The following GABRB1 variants were observed in gnomAD, a reference collection of about 807,000 sequenced individuals.
GABRB1 encodes the protein gamma-aminobutyric acid type A receptor subunit beta1.
In GABRB1, 17 loss-of-function variants were observed where a neutral mutation model predicts 51.6. The observed-to-expected ratio is 0.33, with a 90% CI of 0.23 to 0.49. The LOEUF is 0.49. Among genes scored for constraint, GABRB1 ranks in the 20% least tolerant of loss-of-function variants. GABRB1 has a pLI of 0.99. For missense variants in GABRB1, 410 were observed against 600.6 expected, an observed-to-expected ratio of 0.68 and a Z score of 3.32; for synonymous variants, 247 against 218.9, an observed-to-expected ratio of 1.13 and a Z score of -1.14.
chr4:47,008,837 C>T (rs1385115101), intron 1 of GABRB1, among the ~76,000 whole-genome samples: 8 of 97,514 alleles, frequency 8.2e-5, no homozygotes, highest in Non-Finnish European at 1.3e-4. Context: ...CACCCTGTCA[C>T]GCTATCAGAT....
intron 4 of GABRB1, among the ~76,000 whole-genome samples, chr4:47,250,905 T>G (rs1426711675): frequency 6.6e-6 from 1 of 152,242 alleles, no homozygotes; most frequent in African/African-American, 2.4e-5. Flanking sequence ...CTCTGGTGCC[T>G]CCCTAATTAG....
rs772776189 is a variant in GABRB1, at chr4:47,032,380, G to C, written c.173-37G>C. Reference sequence around the variant, plus strand: ...ACCCTCCCCAGCCTGCTGTCACTGAGAGAATCTGTTCCTAATGTGGCCCAC... The same window carrying C: ...ACCCTCCCCAGCCTGCTGTCACTGACAGAATCTGTTCCTAATGTGGCCCAC... On this transcript the variant is annotated intron_variant, in intron 2 of 8. Coordinates refer to ENST00000295454, the MANE Select transcript of GABRB1 (RefSeq NM_000812.4). 8.4e-6 allele frequency: 13 copies of C among 1,544,486 alleles called. No individual in the cohort carries two copies. The South Asian group carries it at 1.1e-4, about 13-fold the overall frequency.
chr4:47,310,337 T>C (rs556382238), intron 4 of GABRB1, among the ~76,000 whole-genome samples: 3 of 152,326 alleles, frequency 2.0e-5, no homozygotes, highest in Admixed American at 2.0e-4. Context: ...AGCATGAATA[T>C]GTAGCTGGAT....
chr4:47,202,095 T>A (rs1222063183), intron 4 of GABRB1, among the ~76,000 whole-genome samples: 1 of 152,148 alleles, frequency 6.6e-6, no homozygotes, highest in Non-Finnish European at 1.5e-5. Flanking sequence ...ATAATCCCTA[T>A]AATTTCCATA....
chr4:47,169,076 T>A (rs1249247614), intron 4 of GABRB1, among the ~76,000 whole-genome samples: 1 of 152,184 alleles, frequency 6.6e-6, no homozygotes, highest in Non-Finnish European at 1.5e-5. Flanking sequence ...AATAAGGTCA[T>A]ATTCTAAGTC....
chr4:47,122,642 C>T (rs1034906326), intron 3 of GABRB1, among the ~76,000 whole-genome samples: 10 of 151,922 alleles, frequency 6.6e-5, no homozygotes, highest in South Asian at 2.1e-4. Context: ...CTGGGTGCTT[C>T]TAAGCAGGAG....
intron 3 of GABRB1, among the ~76,000 whole-genome samples, chr4:47,084,957 T>A (rs1387708479): frequency 6.6e-6 from 1 of 152,158 alleles, no homozygotes; most frequent in Non-Finnish European, 1.5e-5. Context: ...GTTCAACCCT[T>A]GGGAGTTATT....
At chr4:47,287,878 A>G (rs552045460) in intron 4 of GABRB1, among the ~76,000 whole-genome samples, 1 of 152,276 alleles carries the variant, frequency 6.6e-6, no homozygotes, top group East Asian at 1.9e-4. Context: ...TCAGCTCAAC[A>G]GCATGTGAGG....
At chr4:47,266,290 T>C (rs1439388045) in intron 4 of GABRB1, among the ~76,000 whole-genome samples, 1 of 151,906 alleles carries the variant, frequency 6.6e-6, no homozygotes, top group African/African-American at 2.4e-5. Flanking sequence ...TGTTCTATAA[T>C]TTTATAGCAG....
chr4:47,182,948 T>C (rs35517947), intron 4 of GABRB1, among the ~76,000 whole-genome samples: 1 of 151,898 alleles, frequency 6.6e-6, no homozygotes, highest in African/African-American at 2.4e-5. Context: ...ATGCCAATTG[T>C]TTATTTATTC....
rs1027604438 is a variant in GABRB1 at position 47,352,831 on chromosome 4, G to A, written c.544+32622G>A. 2.6e-4 allele frequency among the ~76,000 whole-genome samples: 40 copies of A among 152,294 alleles called. No homozygotes were observed. In the Middle Eastern group the frequency reaches 0.014, roughly 52 times the overall value. ...GTAGTGAGGGTTTGGTGAGAAGAGAGTATAGGATGTTCAGAGATCTTTCCC... is the reference window on the plus strand; with the variant it reads ...GTAGTGAGGGTTTGGTGAGAAGAGAATATAGGATGTTCAGAGATCTTTCCC... On this transcript the variant is annotated intron_variant, in intron 5 of 8. Coordinates refer to ENST00000295454, the MANE Select transcript of GABRB1 (RefSeq NM_000812.4).
rs968192091 is a variant in GABRB1, at chr4:47,327,052, G to A, written c.544+6843G>A. Among the ~76,000 whole-genome samples, 3 of 152,140 alleles carry A rather than the reference G, an allele frequency of 2.0e-5. No individual in the cohort carries two copies. The East Asian group carries it at 5.8e-4, about 29-fold the overall frequency. The stretch of plus-strand genomic sequence containing the variant: ...TGGCTTCAAACTTTTCAAGTCATTT[G>A]ACTTTTAGAATATAAGTCTAGTTTA... On this transcript the variant is annotated intron_variant, in intron 5 of 8. Coordinates refer to ENST00000295454, the MANE Select transcript of GABRB1 (RefSeq NM_000812.4).
chr4:47,208,373 A>G (rs1284028825), intron 4 of GABRB1, among the ~76,000 whole-genome samples: 1 of 152,098 alleles, frequency 6.6e-6, no homozygotes, highest in Non-Finnish European at 1.5e-5. Context: ...AGGTACAAAG[A>G]TTTTGTTTGG....
intron 4 of GABRB1, among the ~76,000 whole-genome samples, chr4:47,267,710 G>GAA (rs1460320977): frequency 6.6e-6 from 1 of 152,148 alleles, no homozygotes; most frequent in Non-Finnish European, 1.5e-5. Flanking sequence ...CAGGAGAATT[G>GAA]CTTGAACCCG....
intron 4 of GABRB1, among the ~76,000 whole-genome samples, chr4:47,225,764 G>A (rs917877119): frequency 2.0e-5 from 3 of 152,106 alleles, no homozygotes; most frequent in African/African-American, 4.8e-5. Context: ...GATTAGATCT[G>A]TTAATCACCA....
rs966109576 is a variant in GABRB1, at chr4:47,258,197, CTAAAGT to C, written c.462-61923_462-61918del. On this transcript the variant is annotated intron_variant, in intron 4 of 8. Transcript: ENST00000295454. Reference sequence around the variant, plus strand: ...TAGTGACATATACAGTTATATGTAACTAAAGTTAAAGTACATAAAATCATCAGAAAA... The same window carrying C: ...TAGTGACATATACAGTTATATGTAACTAAAGTACATAAAATCATCAGAAAA... 5.9e-5 allele frequency among the ~76,000 whole-genome samples: 9 copies of C among 151,938 alleles called. No individual in the cohort carries two copies. In the South Asian group the frequency reaches 1.5e-3, roughly 25 times the overall value.
intron 4 of GABRB1, among the ~76,000 whole-genome samples, chr4:47,167,829 AGGCCCTACCAGAT>A (rs1219806986): frequency 6.6e-6 from 1 of 152,148 alleles, no homozygotes; most frequent in Non-Finnish European, 1.5e-5. Context: ...TTCAGCAAGA[AGGCCCTACCAGAT>A]GCAGCTCCCT....
intron 8 of GABRB1, among the ~76,000 whole-genome samples, chr4:47,412,352 C>T (rs937281955): frequency 3.9e-5 from 6 of 152,046 alleles, no homozygotes; most frequent in East Asian, 1.9e-4. Flanking sequence ...TTAGAAATCA[C>T]GCATTCAGTG....
At chr4:47,035,252 G>A (rs548307199) in intron 3 of GABRB1, among the ~76,000 whole-genome samples, 15 of 151,922 alleles carry the variant, frequency 9.9e-5, no homozygotes, top group Admixed American at 4.6e-4. Flanking sequence ...GACTAACATC[G>A]TATCAAGAGT....
Sources: gnomAD v4.1 joint callset for allele counts (sites outside exome capture counted in the v4.1 genomes callset) on GRCh38, gnomAD v4.1.1 for gene constraint, MANE v1.5 for transcripts, NCBI Gene and HGNC (gene_info 2026-07-23, HGNC 2026-07-21) for gene names.